TEX11: variants seen among roughly 807,000 people sequenced by gnomAD.
The protein encoded by TEX11 is testis expressed 11.
In TEX11, 7 loss-of-function variants were observed where a neutral mutation model predicts 84.4. That is an observed-to-expected ratio of 0.08 (90% CI 0.05 to 0.16). The LOEUF is 0.16. TEX11 is among the 10% of genes least tolerant of loss of function. The pLI is 1.00. For synonymous variants in TEX11, 264 were observed against 222.8 expected, an observed-to-expected ratio of 1.18 and a Z score of -1.64; for missense variants, 551 against 660.5, an observed-to-expected ratio of 0.83 and a Z score of 1.82.
intron 9 of TEX11, among the ~76,000 whole-genome samples, chrX:70,803,879 T>A (rs1410596401): frequency 4.5e-5 from 5 of 112,103 alleles, no homozygotes; most frequent in Non-Finnish European, 9.4e-5. Flanking sequence ...GCGCAGTGGC[T>A]CACACCTGTA....
intron 9 of TEX11, among the ~76,000 whole-genome samples, chrX:70,791,011 T>C (rs756756362): frequency 1.8e-5 from 2 of 111,867 alleles, no homozygotes; most frequent in East Asian, 5.6e-4. Flanking sequence ...TACATATGTA[T>C]ACCGTGGCAC....
At chrX:70,907,891 G>A (rs975905824) in intron 1 of TEX11, 81 bp from the exon 2 acceptor site, 5 of 632,074 alleles carry the variant, frequency 7.9e-6, no homozygotes, top group African/African-American at 4.4e-5. Context: ...AATGTTTCCC[G>A]TTACTTGTTA....
chrX:70,908,172 C>T (rs748621619), intron 1 of TEX11, among the ~76,000 whole-genome samples: 1 of 111,618 alleles, frequency 9.0e-6, no homozygotes, highest in Non-Finnish European at 1.9e-5. Context: ...TCTGTGAGAA[C>T]GCTAGCACCT....
At chrX:70,519,883 AC>A in the TEX11 span, among the ~76,000 whole-genome samples, 1 of 111,306 alleles carries the variant, frequency 9.0e-6, no homozygotes, top group African/African-American at 3.3e-5. Flanking sequence ...AATCACTGAT[AC>A]CCTTTCTTCC....
At chrX:70,769,285 T>G (rs889221171) in intron 9 of TEX11, among the ~76,000 whole-genome samples, 1 of 111,081 alleles carries the variant, frequency 9.0e-6, no homozygotes, top group African/African-American at 3.3e-5. Flanking sequence ...ACTCAAAAGT[T>G]TATGCTTTCA....
chrX:70,795,358 C>T (rs906767168), intron 9 of TEX11, among the ~76,000 whole-genome samples: 7 of 111,214 alleles, frequency 6.3e-5, no homozygotes, highest in Non-Finnish European at 1.1e-4. Flanking sequence ...TGACTCCAGG[C>T]CCTTGTTCCT....
intron 13 of TEX11, among the ~76,000 whole-genome samples, chrX:70,702,587 T>A (rs773161637): frequency 9.0e-6 from 1 of 111,730 alleles, no homozygotes; most frequent in South Asian, 3.8e-4. Flanking sequence ...TAGTTCTATG[T>A]CATTTTGTCA....
At chrX:70,515,275 C>A in the TEX11 span, among the ~76,000 whole-genome samples, 2 of 107,638 alleles carry the variant, frequency 1.9e-5, no homozygotes, top group Admixed American at 9.9e-5. Context: ...TCCACCCCCC[C>A]CCACCCCACA....
intron 3 of TEX11, among the ~76,000 whole-genome samples, chrX:70,878,956 G>A (rs965033507): frequency 8.9e-6 from 1 of 112,372 alleles, no homozygotes; most frequent in Non-Finnish European, 1.9e-5. Context: ...AATGTATGAA[G>A]TACAAATACA....
At chrX:70,752,868 G>A (rs953683735) in intron 9 of TEX11, among the ~76,000 whole-genome samples, 11 of 110,735 alleles carry the variant, frequency 9.9e-5, no homozygotes, top group African/African-American at 1.6e-4. Context: ...TGGCAGTGGC[G>A]GTGGTGCAAA....
chrX:70,649,876 GA>G (rs1008784038), intron 17 of TEX11, among the ~76,000 whole-genome samples: 3 of 111,210 alleles, frequency 2.7e-5, no homozygotes, highest in East Asian at 2.8e-4. Context: ...TCTCAGAGGT[GA>G]AAAAAAACCC....
intron 11 of TEX11, among the ~76,000 whole-genome samples, chrX:70,738,841 A>G (rs1199413940): frequency 9.0e-6 from 1 of 111,329 alleles, no homozygotes; most frequent in Non-Finnish European, 1.9e-5. Context: ...CAGCAAACTA[A>G]CACAGGAACA....
downstream of TEX11, among the ~76,000 whole-genome samples, chrX:70,528,603 G>A (rs187452198): frequency 0.013 from 1,415 of 110,140 alleles, 19 homozygotes; most frequent in African/African-American, 0.043. Flanking sequence ...TGGGATTACA[G>A]GCACAAGCCA....
the TEX11 span, among the ~76,000 whole-genome samples, chrX:70,520,473 G>C: frequency 8.9e-6 from 1 of 112,268 alleles, no homozygotes; most frequent in African/African-American, 3.2e-5. Context: ...AAATATTGCA[G>C]AACAGCAAAT....
At chrX:70,662,774 T>C (rs1353799465) in intron 16 of TEX11, among the ~76,000 whole-genome samples, 2 of 111,267 alleles carry the variant, frequency 1.8e-5, no homozygotes, top group Non-Finnish European at 3.8e-5. Context: ...ATTCCATTTA[T>C]ATGAAACTCT....
chrX:70,604,475 C>A (rs985482021), intron 24 of TEX11, among the ~76,000 whole-genome samples: 4 of 110,828 alleles, frequency 3.6e-5, no homozygotes, highest in African/African-American at 9.8e-5. Context: ...TCTCTGTATC[C>A]CCAGTACCTA....
chrX:70,769,080 G>A (rs2090957177), intron 9 of TEX11, among the ~76,000 whole-genome samples: 1 of 111,271 alleles, frequency 9.0e-6, no homozygotes, highest in Admixed American at 9.6e-5. Flanking sequence ...TAAAGCAACA[G>A]TTAAAGGAAA....
At chrX:70,684,354 G>A (rs140013121) in intron 13 of TEX11, among the ~76,000 whole-genome samples, 178 of 112,636 alleles carry the variant, frequency 1.6e-3, no homozygotes, top group African/African-American at 5.6e-3. Flanking sequence ...GAGAGGCTGA[G>A]GAGGGTGGAT....
intron 13 of TEX11, among the ~76,000 whole-genome samples, chrX:70,704,268 T>C (rs1840869802): frequency 9.0e-6 from 1 of 110,878 alleles, no homozygotes; most frequent in South Asian, 3.9e-4. Context: ...CAATTAAGCC[T>C]CTTTTCTTTA....
Sources: allele counts gnomAD v4.1 joint callset (sites outside exome capture counted in the v4.1 genomes callset), GRCh38; gene constraint gnomAD v4.1.1; transcripts MANE v1.5; gene names NCBI Gene and HGNC (gene_info 2026-07-23, HGNC 2026-07-21).